The following POFUT3 variants were observed in gnomAD, a reference collection of about 807,000 sequenced individuals.
POFUT3 encodes the protein GDP-fucose protein O-fucosyltransferase 3.
the POFUT3 span, chr8:33,389,594 G>T: frequency 6.2e-7 from 1 of 1,614,164 alleles, no homozygotes; most frequent in South Asian, 1.1e-5. Context: ...GTATCGGAGT[G>T]ACTTCAGGAC....
the POFUT3 span, among the ~76,000 whole-genome samples, chr8:33,340,468 A>C: frequency 6.6e-6 from 1 of 152,140 alleles, no homozygotes; most frequent in Admixed American, 6.5e-5. Context: ...AAATGGTCTA[A>C]ATACACTCCC....
At chr8:33,401,472 A>C in the POFUT3 span, among the ~76,000 whole-genome samples, 1 of 152,204 alleles carries the variant, frequency 6.6e-6, no homozygotes, top group Non-Finnish European at 1.5e-5. Flanking sequence ...TGCAAAATAC[A>C]TGTCGATTTC....
chr8:33,380,204 ATATATATATACTATATATATATATAC>A, the POFUT3 span, among the ~76,000 whole-genome samples: 340 of 60,374 alleles, frequency 5.6e-3, 13 homozygotes, highest in East Asian at 0.027. Flanking sequence ...TATATATACT[ATATATATATACTATATATATATATAC>A]TATATATATA....
At chr8:33,384,603 T>C in the POFUT3 span, among the ~76,000 whole-genome samples, 1 of 152,044 alleles carries the variant, frequency 6.6e-6, no homozygotes, top group Admixed American at 6.6e-5. Context: ...GTGGACCACC[T>C]GAGGTCAGGT....
At chr8:33,325,461 G>A in the POFUT3 span, among the ~76,000 whole-genome samples, 1 of 152,112 alleles carries the variant, frequency 6.6e-6, no homozygotes, top group Non-Finnish European at 1.5e-5. Flanking sequence ...ATGCTCCCAA[G>A]TGGAGTTAGC....
At chr8:33,451,651 C>CATATAT in the POFUT3 span, 1 of 150,404 alleles carries the variant, frequency 6.6e-6, no homozygotes, top group Admixed American at 6.6e-5. Context: ...TGTGTATGAA[C>CATATAT]ATATATATAC....
the POFUT3 span, among the ~76,000 whole-genome samples, chr8:33,364,423 G>A: frequency 2.0e-5 from 3 of 152,140 alleles, no homozygotes; most frequent in Non-Finnish European, 4.4e-5. Flanking sequence ...TCTGGCCAGG[G>A]CAATCGGGCA....
chr8:33,461,858 CT>C, the POFUT3 span: 1 of 348,782 alleles, frequency 2.9e-6, no homozygotes, highest in South Asian at 2.4e-5. Flanking sequence ...TAGTACCTCA[CT>C]CATAAGTAAG....
chr8:33,380,100 C>CTATATATATATACTATATATATACACTA, the POFUT3 span, among the ~76,000 whole-genome samples: 1 of 59,948 alleles, frequency 1.7e-5, no homozygotes, highest in Non-Finnish European at 2.5e-5. Flanking sequence ...TATATATACA[C>CTATATATATATACTATATATATACACTA]TATATATATA....
chr8:33,367,087 A>C, the POFUT3 span, among the ~76,000 whole-genome samples: 1 of 152,200 alleles, frequency 6.6e-6, no homozygotes, highest in African/African-American at 2.4e-5. Context: ...CTACCAAAAA[A>C]TAAAAATAAA....
At chr8:33,310,707 AT>A in the POFUT3 span, among the ~76,000 whole-genome samples, 16 of 150,934 alleles carry the variant, frequency 1.1e-4, no homozygotes, top group Admixed American at 1.3e-4. Context: ...AAAAAAAAAA[AT>A]ATCTCCCACA....
the POFUT3 span, chr8:33,461,496 C>CAGGT: frequency 6.2e-7 from 1 of 1,612,794 alleles, no homozygotes; most frequent in Non-Finnish European, 8.5e-7. Context: ...ACCTGGTTAC[C>CAGGT]AGGTGTTCTC....
At chr8:33,420,873 A>G in the POFUT3 span, among the ~76,000 whole-genome samples, 1 of 152,048 alleles carries the variant, frequency 6.6e-6, no homozygotes, top group South Asian at 2.1e-4. Context: ...GTCACATTAT[A>G]TGTATCAAAA....
chr8:33,350,637 T>C, the POFUT3 span, among the ~76,000 whole-genome samples: 1 of 152,194 alleles, frequency 6.6e-6, no homozygotes, highest in Non-Finnish European at 1.5e-5. Flanking sequence ...TAGAAAAAGA[T>C]CCTGATTTCC....
the POFUT3 span, among the ~76,000 whole-genome samples, chr8:33,335,146 AAT>A: frequency 6.1e-5 from 7 of 115,560 alleles, no homozygotes; most frequent in East Asian, 3.4e-4. Context: ...AGGAAAAAGA[AAT>A]ATATGTGTGT....
the POFUT3 span, among the ~76,000 whole-genome samples, chr8:33,418,009 A>G: frequency 1.3e-5 from 2 of 152,122 alleles, no homozygotes; most frequent in Non-Finnish European, 2.9e-5. Flanking sequence ...TGGAGACTGT[A>G]TGACCACACT....
the POFUT3 span, among the ~76,000 whole-genome samples, chr8:33,399,458 G>A: frequency 3.3e-5 from 5 of 152,120 alleles, no homozygotes; most frequent in Admixed American, 1.3e-4. Flanking sequence ...GTAAGTGGAC[G>A]GGGGATATAG....
chr8:33,470,688 G>A, the POFUT3 span, among the ~76,000 whole-genome samples: 9 of 151,972 alleles, frequency 5.9e-5, no homozygotes. Context: ...TTGAATAACT[G>A]CAGACTAGAA....
chr8:33,429,517 G>A, the POFUT3 span, among the ~76,000 whole-genome samples: 1 of 152,022 alleles, frequency 6.6e-6, no homozygotes, highest in African/African-American at 2.4e-5. Flanking sequence ...GATCATGTGG[G>A]GTATTACAAA....
Sources: allele counts gnomAD v4.1 joint callset (sites outside exome capture counted in the v4.1 genomes callset), GRCh38; gene constraint gnomAD v4.1.1; transcripts MANE v1.5; gene names NCBI Gene and HGNC (gene_info 2026-07-23, HGNC 2026-07-21).